The following ABCD2 variants were observed in gnomAD, a reference collection of about 807,000 sequenced individuals.
ABCD2 encodes ATP binding cassette subfamily D member 2.
ABCD2 carries 36 observed loss-of-function variants against 70.9 expected under a neutral mutation model. That is an observed-to-expected ratio of 0.51 (90% CI 0.39 to 0.67). The LOEUF is 0.67. ABCD2 is among the 30% of genes least tolerant of loss of function. The probability of loss-of-function intolerance (pLI) is 0.00; values close to 1 mark genes in which losing one functional copy is unlikely to be tolerated. For missense variants in ABCD2, 729 were observed against 890.2 expected, an observed-to-expected ratio of 0.82 and a Z score of 2.30; for synonymous variants, 304 against 306.9, an observed-to-expected ratio of 0.99 and a Z score of 0.10.
At chr12:39,546,447 CTTATAG>C (rs1346798223), downstream of ABCD2, among the ~76,000 whole-genome samples, 4 of 151,954 alleles carry the variant, frequency 2.6e-5, no homozygotes, top group Admixed American at 6.6e-5. Flanking sequence ...CCCCACAGAG[CTTATAG>C]TCTAAGAAGG....
intron 6 of ABCD2, among the ~76,000 whole-genome samples, chr12:39,588,428 AAC>A (rs1324193524): frequency 3.9e-5 from 6 of 152,196 alleles, no homozygotes; most frequent in Non-Finnish European, 8.8e-5. Context: ...AATGAGAAGA[AAC>A]ACAGGAAAGA....
At chr12:39,570,181 A>C (rs1474349200) in intron 9 of ABCD2, among the ~76,000 whole-genome samples, 1 of 152,258 alleles carries the variant, frequency 6.6e-6, no homozygotes, top group Non-Finnish European at 1.5e-5. Context: ...CTACATATTC[A>C]ATTCAATCCC....
chr12:39,537,871 T>TA, the ABCD2 span, among the ~76,000 whole-genome samples: 1 of 152,142 alleles, frequency 6.6e-6, no homozygotes, highest in Non-Finnish European at 1.5e-5. Flanking sequence ...CTCTGTGGGA[T>TA]AAAAAAATTC....
At chr12:39,534,812 A>AAAGG in the ABCD2 span, among the ~76,000 whole-genome samples, 1 of 149,742 alleles carries the variant, frequency 6.7e-6, no homozygotes, top group Non-Finnish European at 1.5e-5. Flanking sequence ...GAAAGAAAAG[A>AAAGG]AAGGAAGGAA....
chr12:39,609,673 G>C (rs1308751434), intron 2 of ABCD2, among the ~76,000 whole-genome samples: 2 of 152,026 alleles, frequency 1.3e-5, no homozygotes, highest in African/African-American at 4.8e-5. Context: ...ATAGCCATAG[G>C]CCCATTTTGA....
chr12:39,579,502 G>A (rs368047623), intron 8 of ABCD2, 33 bp downstream of exon 8: 1 of 1,484,692 alleles, frequency 6.7e-7, no homozygotes, highest in African/African-American at 1.4e-5. Context: ...TTACAACAAT[G>A]GCCTAGTAGT....
chr12:39,575,991 T>G (rs1247112789), intron 8 of ABCD2, among the ~76,000 whole-genome samples: 1 of 152,236 alleles, frequency 6.6e-6, no homozygotes, highest in Non-Finnish European at 1.5e-5. Flanking sequence ...TTTATTTTAT[T>G]AACACACTGA....
chr12:39,597,473 C>G (rs981437730), intron 6 of ABCD2, among the ~76,000 whole-genome samples: 6 of 152,142 alleles, frequency 3.9e-5, no homozygotes, highest in African/African-American at 1.4e-4. Flanking sequence ...GATCACAAAT[C>G]TCTCCTTAGG....
intron 2 of ABCD2, among the ~76,000 whole-genome samples, chr12:39,615,254 T>C (rs1437855484): frequency 6.6e-6 from 1 of 151,994 alleles, no homozygotes; most frequent in Admixed American, 6.6e-5. Flanking sequence ...AACTACATCA[T>C]AATCTTGTCT....
chr12:39,570,913 C>T (rs1372645000), intron 9 of ABCD2, among the ~76,000 whole-genome samples: 1 of 151,920 alleles, frequency 6.6e-6, no homozygotes, highest in East Asian at 1.9e-4. Context: ...AATGAATAAC[C>T]TGATTACAAA....
At position 39,567,116 on chromosome 12, in the gene ABCD2, G is replaced by T. The variant is rs1941362707; in HGVS notation, c.2003+6600C>A. ...GAAGAATGTATATTGTGTTGATTTG[G>T]TGTGGAGAGTTCTGTAGATGTCTAT... On this transcript the variant is annotated intron_variant, in intron 9 of 9. Transcript: ENST00000308666. Among the ~76,000 whole-genome samples the T allele has an allele frequency of 2.0e-5, 3 of 152,190 alleles. No homozygotes were observed. In the South Asian group the frequency reaches 6.2e-4, roughly 32 times the overall value.
the ABCD2 span, chr12:39,539,919 T>C: frequency 6.6e-6 from 1 of 152,514 alleles, no homozygotes; most frequent in Non-Finnish European, 1.5e-5. Flanking sequence ...TTTCCTGCTT[T>C]CTAATTTTTC....
At chr12:39,560,399 C>T (rs1422720631) in intron 9 of ABCD2, among the ~76,000 whole-genome samples, 3 of 152,126 alleles carry the variant, frequency 2.0e-5, no homozygotes, top group African/African-American at 4.8e-5. Flanking sequence ...TTTTCTTAAT[C>T]CAGTCTATCA....
At chr12:39,608,794 A>G (rs753636637) in intron 2 of ABCD2, among the ~76,000 whole-genome samples, 1 of 152,172 alleles carries the variant, frequency 6.6e-6, no homozygotes, top group Non-Finnish European at 1.5e-5. Context: ...CTACTAATAA[A>G]CAAACATTTA....
Position 39,618,730 on chromosome 12 carries a change from G to A in ABCD2, c.886C>T (p.His296Tyr), listed in dbSNP as rs1449446888. The stretch of plus-strand genomic sequence containing the variant: ...TCTACATTGGCTATAATTCTCGAGT[G>A]CACATACCGCAAATAGCCTTTTCTA... ...AHRKGYLRYV[H>Y]SRIIANVEEI... Residue 296 changes from histidine (H) to tyrosine (Y), a missense_variant, in exon 1 of 10, where the codon CAC becomes TAC. By Grantham distance (83) the His-to-Tyr change is moderately conservative. Coordinates refer to ENST00000308666, the MANE Select transcript of ABCD2 (RefSeq NM_005164.4). 1 of 1,614,182 alleles carries A rather than the reference G, an allele frequency of 6.2e-7. No homozygotes were observed. The highest frequency in any genetic ancestry group is 1.7e-5 in the Admixed American group (1 of 60,032).
the ABCD2 span, among the ~76,000 whole-genome samples, chr12:39,540,955 C>T: frequency 6.6e-6 from 1 of 152,238 alleles, no homozygotes; most frequent in Admixed American, 6.5e-5. Context: ...TGTCATGGGC[C>T]ATGGTCACTC....
In ABCD2 at chr12:39,600,441, T is replaced by C. The variant is rs570884134; in HGVS notation, c.1646+130A>G. The C allele has an allele frequency of 3.7e-5, 36 of 966,468 alleles. No individual in the cohort carries two copies. In the African/African-American group the frequency reaches 5.2e-4, roughly 14 times the overall value. 59.9% of individuals were successfully genotyped at this position (966,468 alleles called of 1,614,324 possible). On this transcript the variant is annotated intron_variant, in intron 6 of 9. Transcript: ENST00000308666. ...AATAAAATATTTTGGGCTAAGTGAA[T>C]TTTTATTTCCTTAATAGTTTCTCTT...
the ABCD2 span, among the ~76,000 whole-genome samples, chr12:39,541,163 T>C: frequency 2.0e-5 from 3 of 152,040 alleles, no homozygotes; most frequent in Non-Finnish European, 4.4e-5. Context: ...AAATGGGAGA[T>C]TGGAAATATT....
chr12:39,583,087 T>C (rs1233111958), intron 7 of ABCD2, among the ~76,000 whole-genome samples: 1 of 152,156 alleles, frequency 6.6e-6, no homozygotes, highest in East Asian at 1.9e-4. Context: ...TTCAACCTCC[T>C]AGATTCAAGC....
Sources: allele counts gnomAD v4.1 joint callset (sites outside exome capture counted in the v4.1 genomes callset), GRCh38; gene constraint gnomAD v4.1.1; transcripts MANE v1.5; gene names NCBI Gene and HGNC (gene_info 2026-07-23, HGNC 2026-07-21).